Variants in PDCL3 observed in about 807,000 individuals in gnomAD.
PDCL3 encodes the protein phosducin-like protein 3.
A neutral mutation model predicts 26.5 loss-of-function variants in PDCL3; 22 were observed. The ratio of observed to expected loss-of-function variants is 0.83; its 90% confidence interval spans 0.59 to 1.19. The LOEUF (loss-of-function observed/expected upper bound fraction) is 1.19. Ranked by LOEUF, PDCL3 falls within the 50% of genes most tolerant of loss-of-function variation. PDCL3 has a pLI of 0.00. For missense variants in PDCL3, 246 were observed against 294.1 expected (o/e 0.84, Z 1.20); for synonymous variants, 81 against 104.9 (o/e 0.77, Z 1.39).
intron 5 of PDCL3, 128 bp downstream of exon 5, chr2:100,571,926 G>T (rs772241529): frequency 2.2e-5 from 8 of 359,270 alleles, no homozygotes; most frequent in Admixed American, 8.3e-5. Flanking sequence ...GTATGAGGAC[G>T]GAAGCACGTT....
chr2:100,576,290 C>G, intron 5 of PDCL3, 64 bp from the exon 6 acceptor site: 1 of 1,547,044 alleles, frequency 6.5e-7, no homozygotes, highest in East Asian at 2.4e-5. Flanking sequence ...GGTTGATGGA[C>G]TTAGGGCGAG....
chr2:100,563,166 G>A (rs1053552712), intron 1 of PDCL3, 93 bp downstream of exon 1: 4 of 1,472,834 alleles, frequency 2.7e-6, no homozygotes, highest in Non-Finnish European at 3.6e-6. Context: ...CCTGGGGGAA[G>A]CTCCGGCGCC....
chr2:100,568,001 G>A (rs891449509), intron 2 of PDCL3, among the ~76,000 whole-genome samples: 9 of 151,926 alleles, frequency 5.9e-5, no homozygotes, highest in African/African-American at 1.2e-4. Context: ...TTTTTGTAGC[G>A]ATGAGGTTTC....
chr2:100,571,918 A>T (rs1432774250), intron 5 of PDCL3, 120 bp downstream of exon 5: 2 of 913,036 alleles, frequency 2.2e-6, no homozygotes, highest in South Asian at 1.6e-5. Flanking sequence ...CTGCCTGTGT[A>T]TGAGGACGGA....
At chr2:100,566,481 A>G in intron 1 of PDCL3, 22 bp from the exon 2 acceptor site, 1 of 1,611,152 alleles carries the variant, frequency 6.2e-7, no homozygotes, top group Non-Finnish European at 8.5e-7. Flanking sequence ...CACTCATGGT[A>G]ACCTTGGTCC....
At chr2:100,572,392 A>G (rs1675195089) in intron 5 of PDCL3, among the ~76,000 whole-genome samples, 1 of 151,170 alleles carries the variant, frequency 6.6e-6, no homozygotes, top group African/African-American at 2.4e-5. Context: ...TTGTATTTTT[A>G]GTGGAGACGG....
rs957349000 is a variant in PDCL3, at chr2:100,563,249, A to G, written c.6+176A>G. 17 of 681,762 alleles carry G rather than the reference A, an allele frequency of 2.5e-5. No individual in the cohort carries two copies. In the Admixed American group the frequency reaches 3.8e-4, roughly 15 times the overall value. 42.2% of individuals were successfully genotyped at this position (681,762 alleles called of 1,614,324 possible). On this transcript the variant is annotated intron_variant, in intron 1 of 5. Coordinates refer to ENST00000264254, the MANE Select transcript of PDCL3 (RefSeq NM_024065.5). ...TGCGGGAGGCGGGCGTGGTCCCACCAGGACCCACGGCCTGGGCGTCCCCGC... is the reference window on the plus strand; with the variant it reads ...TGCGGGAGGCGGGCGTGGTCCCACCGGGACCCACGGCCTGGGCGTCCCCGC...
chr2:100,571,394 C>A lies in PDCL3; in HGVS notation c.369-196C>A, dbSNP rs577394240. On this transcript the variant is annotated intron_variant, in intron 4 of 5. Transcript: ENST00000264254. Reference sequence around the variant, plus strand: ...GGGAGCATTGCTTGTGAGCCGAGATCACACCACTTCACTCCATTTAGCCTG... The same window carrying A: ...GGGAGCATTGCTTGTGAGCCGAGATAACACCACTTCACTCCATTTAGCCTG... Among the ~76,000 whole-genome samples, 7 of 149,326 alleles carry A rather than the reference C, an allele frequency of 4.7e-5. No individual in the cohort carries two copies. In the South Asian group the frequency reaches 1.5e-3, roughly 32 times the overall value.
Position 100,568,924 on chromosome 2 carries a change from A to G in PDCL3, c.134-7A>G. The G allele has an allele frequency of 6.2e-7, 1 of 1,608,888 alleles. No individual in the cohort carries two copies. The highest frequency in any genetic ancestry group is 1.3e-5 in the African/African-American group (1 of 74,584). ...TTTTTGCTTTTTGCCAATGTAACCA[A>G]ATTCAGTGAAAACATATGAAGATAT... On this transcript the variant is annotated splice_polypyrimidine_tract_variant and splice_region_variant and intron_variant, in intron 2 of 5. Transcript: ENST00000264254.
rs570852999 is a variant in PDCL3 at position 100,565,926 on chromosome 2, CTG to C, written c.7-573_7-572del. ...CATTATTATTATTATTATTTTGAGA[CTG>C]TGTCTTGCTCTGTCGCCCAGGCTGG... is the stretch of plus-strand genomic sequence containing the variant. On this transcript the variant is annotated intron_variant, in intron 1 of 5. Coordinates refer to ENST00000264254, the MANE Select transcript of PDCL3 (RefSeq NM_024065.5). Among the ~76,000 whole-genome samples the C allele has an allele frequency of 1.8e-3, 276 of 152,212 alleles. 1 individual carries two copies. Among genetic ancestry groups the C allele is most frequent in the African/African-American group, 6.3e-3 (261 of 41,526 alleles).
At chr2:100,573,960 C>T (rs1357152614) in intron 5 of PDCL3, among the ~76,000 whole-genome samples, 1 of 151,808 alleles carries the variant, frequency 6.6e-6, no homozygotes, top group East Asian at 1.9e-4. Context: ...CACTTATGTA[C>T]GTATGTGTGG....
chr2:100,563,080 T>C lies in PDCL3; in HGVS notation c.6+7T>C. The C allele has an allele frequency of 6.2e-7, 1 of 1,603,634 alleles. No individual in the cohort carries two copies. Among genetic ancestry groups the C allele is most frequent in the South Asian group, 1.1e-5 (1 of 88,872 alleles). On this transcript the variant is annotated splice_region_variant and intron_variant, in intron 1 of 5. Coordinates refer to ENST00000264254, the MANE Select transcript of PDCL3 (RefSeq NM_024065.5). Reference sequence around the variant, plus strand: ...AACTGGAAACAAGATGCAGGTGAGCTAGGACGGGTCTCGGGTCTGGGGGCT... The same window carrying C: ...AACTGGAAACAAGATGCAGGTGAGCCAGGACGGGTCTCGGGTCTGGGGGCT...
intron 1 of PDCL3, 75 bp downstream of exon 1, chr2:100,563,148 A>G: frequency 2.0e-6 from 3 of 1,511,716 alleles, no homozygotes; most frequent in Non-Finnish European, 2.7e-6. Context: ...CGGGCAGTGG[A>G]CGCCCGCCCT....
intron 5 of PDCL3, among the ~76,000 whole-genome samples, chr2:100,573,206 T>A (rs957209024): frequency 6.6e-6 from 1 of 152,052 alleles, no homozygotes; most frequent in Non-Finnish European, 1.5e-5. Context: ...CCTTTCTACC[T>A]GTTAAACATG....
At chr2:100,569,480 C>G in intron 3 of PDCL3, 98 bp from the exon 4 acceptor site, 1 of 1,406,456 alleles carries the variant, frequency 7.1e-7, no homozygotes, top group Non-Finnish European at 9.5e-7. Context: ...GCCATAAGAC[C>G]AATAAATAAA....
At chr2:100,570,474 CTTTTTT>C (rs762190373) in intron 4 of PDCL3, among the ~76,000 whole-genome samples, 5 of 125,320 alleles carry the variant, frequency 4.0e-5, no homozygotes, top group East Asian at 4.8e-4. Context: ...TTAGGAATTT[CTTTTTT>C]TTTTTTTTTT....
intron 4 of PDCL3, 76 bp downstream of exon 4, chr2:100,569,797 T>G: frequency 6.6e-7 from 1 of 1,520,032 alleles, no homozygotes; most frequent in Non-Finnish European, 8.8e-7. Flanking sequence ...GTTACCTATA[T>G]CAGAGGGTTA....
chr2:100,569,868 A>C, intron 4 of PDCL3, 147 bp downstream of exon 4: 1 of 756,452 alleles, frequency 1.3e-6, no homozygotes, highest in Non-Finnish European at 2.0e-6. Context: ...GCACTTTGGG[A>C]GGCTGAGGCA....
intron 4 of PDCL3, among the ~76,000 whole-genome samples, chr2:100,571,193 C>T (rs537893977): frequency 6.6e-6 from 1 of 150,732 alleles, no homozygotes; most frequent in South Asian, 2.1e-4. Flanking sequence ...GGATTACAGG[C>T]GCCTGCCACT....
Sources: allele counts gnomAD v4.1 joint callset (sites outside exome capture counted in the v4.1 genomes callset), GRCh38; gene constraint gnomAD v4.1.1; transcripts MANE v1.5; gene names NCBI Gene and HGNC (gene_info 2026-07-23, HGNC 2026-07-21).